FHOD3: variants seen among roughly 807,000 people sequenced by gnomAD.
The protein encoded by FHOD3 is formin homology 2 domain containing 3, also known as FH1/FH2 domain-containing protein 3.
FHOD3 carries 90 observed loss-of-function variants against 173.0 expected under a neutral mutation model. That is an observed-to-expected ratio of 0.52 (90% CI 0.44 to 0.62). The LOEUF (loss-of-function observed/expected upper bound fraction) is 0.62, where lower values mean the gene tolerates loss of function less well. Among genes scored for constraint, FHOD3 ranks in the 20% least tolerant of loss-of-function variants. The probability of loss-of-function intolerance (pLI) is 0.00; values close to 1 mark genes in which losing one functional copy is unlikely to be tolerated. For synonymous variants in FHOD3, 828 were observed against 823.0 expected (o/e 1.01, Z -0.10); for missense variants, 1,945 against 2,034.7 (o/e 0.96, Z 0.85).
At chr18:36,630,430 A>G (rs1219438757) in intron 10 of FHOD3, among the ~76,000 whole-genome samples, 1 of 152,212 alleles carries the variant, frequency 6.6e-6, no homozygotes, top group East Asian at 1.9e-4. Context: ...CTCAGGAAAT[A>G]TGCTTGAACA....
intron 3 of FHOD3, among the ~76,000 whole-genome samples, chr18:36,409,509 C>A (rs774254481): frequency 7.2e-5 from 11 of 152,278 alleles, no homozygotes; most frequent in East Asian, 5.8e-4. Flanking sequence ...TTCCCAGGAA[C>A]CTTCCCGTGT....
intron 3 of FHOD3, among the ~76,000 whole-genome samples, chr18:36,453,440 T>G (rs2051981642): frequency 6.6e-6 from 1 of 152,240 alleles, no homozygotes; most frequent in Non-Finnish European, 1.5e-5. Context: ...GTCCTGCAAC[T>G]AACTCCAAAT....
chr18:36,498,092 C>A (rs1410028062), intron 3 of FHOD3, among the ~76,000 whole-genome samples: 1 of 151,954 alleles, frequency 6.6e-6, no homozygotes, highest in African/African-American at 2.4e-5. Context: ...CCTTAATAAA[C>A]CATGGGTCAA....
chr18:36,325,998 C>T (rs1245155585), intron 1 of FHOD3, among the ~76,000 whole-genome samples: 1 of 152,142 alleles, frequency 6.6e-6, no homozygotes, highest in Non-Finnish European at 1.5e-5. Context: ...TCCTGCATGC[C>T]AGGGCATAAT....
At chr18:36,606,507 C>T (rs995534991) in intron 8 of FHOD3, among the ~76,000 whole-genome samples, 8 of 152,122 alleles carry the variant, frequency 5.3e-5, no homozygotes, top group Admixed American at 2.0e-4. Context: ...ATGTTTCTAA[C>T]GCATGAACTT....
chr18:36,743,138 T>C (rs1250644543), intron 22 of FHOD3, among the ~76,000 whole-genome samples: 2 of 151,722 alleles, frequency 1.3e-5, no homozygotes, highest in Non-Finnish European at 1.5e-5. Context: ...TGAAACCCTG[T>C]CTCTACTAAA....
Position 36,763,489 on chromosome 18 carries a change from A to G in FHOD3, c.4624+2707A>G, listed in dbSNP as rs2043002390. 1.4e-5 allele frequency among the ~76,000 whole-genome samples: 2 copies of G among 142,610 alleles called. 1 individual carries two copies. Among genetic ancestry groups the G allele is most frequent in the Non-Finnish European group, 3.1e-5 (2 of 64,346 alleles). The allele number at this position is 142,610 out of a possible 152,430, so 93.6% of individuals were successfully genotyped here. A position where few individuals can be genotyped will look rare whatever the true frequency, so the allele number is the denominator to read the frequency against. ...CGTTATATATAATATTGTATTATAC[A>G]CGTTATATATAATATGTGTATTATA... On this transcript the variant is annotated intron_variant, in intron 27 of 28. Coordinates refer to ENST00000590592, the MANE Select transcript of FHOD3 (RefSeq NM_001281740.3).
intron 3 of FHOD3, among the ~76,000 whole-genome samples, chr18:36,483,394 C>T (rs2054032657): frequency 6.6e-6 from 1 of 152,068 alleles, no homozygotes. Flanking sequence ...TGTCCTGGAA[C>T]CAAGGAGGGA....
intron 1 of FHOD3, among the ~76,000 whole-genome samples, chr18:36,300,438 T>C (rs1202003212): frequency 6.6e-6 from 1 of 152,124 alleles, no homozygotes; most frequent in Admixed American, 6.6e-5. Context: ...TGACACAGAG[T>C]GCATAGTCAG....
At chr18:36,590,311 A>G (rs930724710) in intron 6 of FHOD3, among the ~76,000 whole-genome samples, 1 of 152,110 alleles carries the variant, frequency 6.6e-6, no homozygotes, top group African/African-American at 2.4e-5. Flanking sequence ...CAAGCTTCCA[A>G]GGGTTTTGAC....
intron 3 of FHOD3, among the ~76,000 whole-genome samples, chr18:36,468,173 A>G (rs548396762): frequency 8.5e-5 from 13 of 152,304 alleles, no homozygotes; most frequent in Admixed American, 6.5e-4. Flanking sequence ...AGCCAGGTGC[A>G]TCCCCACAGG....
chr18:36,768,995 A>G lies in FHOD3; in HGVS notation c.4625-270A>G, dbSNP rs9958203. On this transcript the variant is annotated intron_variant, in intron 27 of 28. Transcript: ENST00000590592. ...GTTAAATAATAATGAGAGACAAGAT[A>G]CACAGCTGTGTTACAGGGTGATATG... Among the ~76,000 whole-genome samples the G allele has an allele frequency of 0.13, 19,396 of 152,142 alleles. 1,347 individuals are homozygous for G. The highest frequency in any genetic ancestry group is 0.16 in the Admixed American group (2,395 of 15,288).
intron 10 of FHOD3, among the ~76,000 whole-genome samples, chr18:36,629,211 C>T (rs2034328611): frequency 6.6e-6 from 1 of 152,184 alleles, no homozygotes; most frequent in South Asian, 2.1e-4. Context: ...ACATGTTAAA[C>T]TTGGAGTACC....
chr18:36,389,559 T>G (rs560589417), intron 3 of FHOD3, among the ~76,000 whole-genome samples: 9 of 152,350 alleles, frequency 5.9e-5, no homozygotes, highest in African/African-American at 2.2e-4. Flanking sequence ...CTTCCATTTC[T>G]CAGTGGACGT....
At chr18:36,581,571 C>T (rs753314399) in intron 6 of FHOD3, among the ~76,000 whole-genome samples, 1 of 152,226 alleles carries the variant, frequency 6.6e-6, no homozygotes, top group Non-Finnish European at 1.5e-5. Context: ...TTGCTGATCA[C>T]AGGTCTCCAG....
intron 3 of FHOD3, among the ~76,000 whole-genome samples, chr18:36,441,340 GA>G (rs1390473497): frequency 6.6e-6 from 1 of 152,216 alleles, no homozygotes; most frequent in African/African-American, 2.4e-5. Flanking sequence ...TTTCTGAGGA[GA>G]AAGGGGTGGT....
rs1345657891 is a variant in FHOD3 at position 36,760,566 on chromosome 18, G to A, written c.4450-42G>A. Reference sequence around the variant, plus strand: ...TTTTAGAAGCTTGAGTTGTCTTTTTGGGGAGTCTCCCTCACCTGCTAACTT... The same window carrying A: ...TTTTAGAAGCTTGAGTTGTCTTTTTAGGGAGTCTCCCTCACCTGCTAACTT... On this transcript the variant is annotated intron_variant, in intron 26 of 28. Transcript: ENST00000590592. The A allele has an allele frequency of 2.0e-6, 3 of 1,481,752 alleles. No individual in the cohort carries two copies. In the South Asian group the frequency reaches 4.2e-5, roughly 21 times the overall value. 91.8% of individuals were successfully genotyped at this position (1,481,752 alleles called of 1,614,324 possible). A position where few individuals can be genotyped will look rare whatever the true frequency, so the allele number is the denominator to read the frequency against.
chr18:36,356,816 T>A (rs1026815410), intron 2 of FHOD3, among the ~76,000 whole-genome samples: 1 of 152,094 alleles, frequency 6.6e-6, no homozygotes, highest in South Asian at 2.1e-4. Context: ...TTGTATTTTT[T>A]AGTAGAGATG....
chr18:36,744,173 G>C lies in FHOD3; in HGVS notation c.4021G>C (p.Ala1341Pro). Residue 1341 changes from alanine to proline, a missense_variant, in exon 23 of 29, where the codon GCC (alanine) becomes CCC (proline). Physicochemically the swap from Ala to Pro is conservative, Grantham distance 27 (BLOSUM62 -1). Around this residue, in one of 5 missense-constraint regions of FHOD3, gnomAD observed 231 missense variants for 321.9 expected, o/e 0.72. Coordinates refer to ENST00000590592, the MANE Select transcript of FHOD3 (RefSeq NM_001281740.3). ...DSSDLYSEIG[A>P]ITRSAKVDFD... ...CTCCGATCTGTACTCGGAGATCGGG[G>C]CCATCACCAGGTCAGCCAAGGTATG... 1.2e-6 allele frequency: 2 copies of C among 1,613,766 alleles called. No individual in the cohort carries two copies. Among genetic ancestry groups the C allele is most frequent in the Non-Finnish European group, 1.7e-6 (2 of 1,179,866 alleles).
Sources: allele counts gnomAD v4.1 joint callset (sites outside exome capture counted in the v4.1 genomes callset), GRCh38; gene constraint gnomAD v4.1.1; regional missense constraint gnomAD v4.1.1; transcripts MANE v1.5; gene names NCBI Gene and HGNC (gene_info 2026-07-23, HGNC 2026-07-21).